The following HMCN2 variants were observed in gnomAD, a reference collection of about 807,000 sequenced individuals.
HMCN2 encodes hemicentin-2.
HMCN2 carries 325 observed loss-of-function variants against 377.5 expected under a neutral mutation model. That is an observed-to-expected ratio of 0.86 (90% CI 0.79 to 0.94). HMCN2 has a LOEUF of 0.94. HMCN2 is among the 40% of genes least tolerant of loss of function. HMCN2 has a pLI of 0.00. For synonymous variants in HMCN2, 2,007 were observed against 2,046.8 expected (o/e 0.98, Z 0.53); for missense variants, 4,543 against 4,725.3 (o/e 0.96, Z 1.13).
chr9:130,267,559 C>A (rs1463822261), intron 1 of HMCN2, among the ~76,000 whole-genome samples: 1 of 152,114 alleles, frequency 6.6e-6, no homozygotes, highest in Non-Finnish European at 1.5e-5. Context: ...TATGAGCCAG[C>A]AAGTCCTTGC....
Position 130,360,742 on chromosome 9 carries a change from A to C in HMCN2, c.5950+138A>C. ...CCATCCGTTACCCCATCCATCCATC[A>C]TCCATCCAACCATCCATCCATCCAT... On this transcript the variant is annotated intron_variant, in intron 38 of 97. Coordinates refer to ENST00000683500, the MANE Select transcript of HMCN2 (RefSeq NM_001291815.2). The surrounding 1 kb of genome is among the most constrained non-coding windows in gnomAD (Gnocchi z 4.7). 5.5e-6 allele frequency: 2 copies of C among 361,174 alleles called. No homozygotes were observed. Among genetic ancestry groups the C allele is most frequent in the South Asian group, 2.4e-5 (1 of 41,208 alleles). The allele number at this position is 361,174 out of a possible 1,614,324, so 22.4% of individuals were successfully genotyped here.
At chr9:130,301,799 A>G (rs1345466084) in intron 8 of HMCN2, among the ~76,000 whole-genome samples, 1 of 152,192 alleles carries the variant, frequency 6.6e-6, no homozygotes, top group Non-Finnish European at 1.5e-5. Context: ...CGGTGACACA[A>G]AGGTTGAGCC....
Position 130,430,276 on chromosome 9 carries a change from G to A in HMCN2, c.14327-8G>A, listed in dbSNP as rs1036826961. 3.1e-5 allele frequency: 48 copies of A among 1,531,886 alleles called. No individual in the cohort carries two copies. The East Asian group carries it at 4.4e-4, about 14-fold the overall frequency. 94.9% of individuals were successfully genotyped at this position (1,531,886 alleles called of 1,614,324 possible). A position where few individuals can be genotyped will look rare whatever the true frequency, so the allele number is the denominator to read the frequency against. On this transcript the variant is annotated splice_polypyrimidine_tract_variant and splice_region_variant and intron_variant, in intron 94 of 97. Transcript: ENST00000683500. The stretch of plus-strand genomic sequence containing the variant: ...CCTGTGCACACACCTGACCCCACCC[G>A]TCTGCAGATGTCAATGAGTGCCTGC...
At chr9:130,299,637 A>G (rs1004797288) in intron 8 of HMCN2, among the ~76,000 whole-genome samples, 1 of 149,068 alleles carries the variant, frequency 6.7e-6, no homozygotes, top group East Asian at 2.0e-4. Flanking sequence ...TCACCCATCC[A>G]TCTACCCACT....
intron 95 of HMCN2, 40 bp downstream of exon 95, chr9:130,430,644 A>C: frequency 1.3e-6 from 2 of 1,506,490 alleles, no homozygotes; most frequent in Non-Finnish European, 1.8e-6. Flanking sequence ...CACTGCCGTT[A>C]TGGGCTCTTG....
rs138934974 is a variant in HMCN2, at chr9:130,428,553, G to A, written c.14197+64G>A. 13 of 1,521,872 alleles carry A rather than the reference G, an allele frequency of 8.5e-6. No homozygotes were observed. The East Asian group carries it at 2.7e-4, about 32-fold the overall frequency. The allele number at this position is 1,521,872 out of a possible 1,614,324, so 94.3% of individuals were successfully genotyped here. A position where few individuals can be genotyped will look rare whatever the true frequency, so the allele number is the denominator to read the frequency against. ...GAAACCCAGAGGTTGCCAGGGATCA[G>A]CTGACAGGGGGCTGTGTGTCACTGG... is the stretch of plus-strand genomic sequence containing the variant. On this transcript the variant is annotated intron_variant, in intron 93 of 97. Transcript: ENST00000683500. This position sits in a 1 kb window ranked among gnomAD's most constrained non-coding sequence, Gnocchi z 5.0.
intron 15 of HMCN2, among the ~76,000 whole-genome samples, chr9:130,319,138 A>G (rs1281148215): frequency 6.6e-6 from 1 of 152,126 alleles, no homozygotes; most frequent in Non-Finnish European, 1.5e-5. Flanking sequence ...CTCAGCTCCT[A>G]TGTCAGCGGG....
At chr9:130,323,120 CT>C (rs1365558049) in intron 19 of HMCN2, among the ~76,000 whole-genome samples, 11 of 152,160 alleles carry the variant, frequency 7.2e-5, no homozygotes, top group Non-Finnish European at 1.3e-4. Context: ...GTTTCACCCC[CT>C]AACTTCCCAC....
intron 86 of HMCN2, among the ~76,000 whole-genome samples, chr9:130,420,974 A>G (rs1434483279): frequency 6.6e-6 from 1 of 152,148 alleles, no homozygotes; most frequent in Non-Finnish European, 1.5e-5. Flanking sequence ...GATACTATAG[A>G]AATCTGTGAA....
intron 19 of HMCN2, among the ~76,000 whole-genome samples, chr9:130,322,584 T>C (rs1449446352): frequency 3.3e-5 from 5 of 152,042 alleles, no homozygotes; most frequent in Non-Finnish European, 5.9e-5. Context: ...TTATCTGTAC[T>C]CCCCCCGCCC....
intron 7 of HMCN2, 146 bp from the exon 8 acceptor site, chr9:130,298,879 C>G: frequency 2.8e-6 from 1 of 357,500 alleles, no homozygotes; most frequent in Admixed American, 3.7e-5. Flanking sequence ...CGTTGGTCAG[C>G]ACCAGGGTAG....
At chr9:130,399,091 G>A (rs1216783964) in intron 75 of HMCN2, among the ~76,000 whole-genome samples, 1 of 151,730 alleles carries the variant, frequency 6.6e-6, no homozygotes, top group Non-Finnish European at 1.5e-5. Flanking sequence ...CATCTCTACA[G>A]AAAATTTAAA....
chr9:130,377,206 T>C (rs1227895541), intron 52 of HMCN2, among the ~76,000 whole-genome samples: 3 of 151,844 alleles, frequency 2.0e-5, no homozygotes, highest in South Asian at 2.1e-4. Context: ...CTCTGCCTCC[T>C]GGGTTCAAGT....
In HMCN2 at chr9:130,276,116, G is replaced by A. The variant is rs184671198; in HGVS notation, c.260-8487G>A. 5.9e-3 allele frequency among the ~76,000 whole-genome samples: 888 copies of A among 151,598 alleles called. 4 individuals carry two copies. Among genetic ancestry groups the A allele is most frequent in the Non-Finnish European group, 9.3e-3 (633 of 67,766 alleles). ...AGGGCAGGAGGTCCCTGGAGGGGCA[G>A]GGGTGGGTGGGTGGGTGTGTCAGGT... On this transcript the variant is annotated intron_variant, in intron 1 of 97. Coordinates refer to ENST00000683500, the MANE Select transcript of HMCN2 (RefSeq NM_001291815.2).
intron 51 of HMCN2, 60 bp from the exon 52 acceptor site, chr9:130,376,456 A>G: frequency 3.7e-6 from 3 of 815,602 alleles, no homozygotes; most frequent in Non-Finnish European, 4.4e-6. Context: ...GGACCAGGGT[A>G]AGCTCAGGGT....
Position 130,395,245 on chromosome 9 carries a change from C to T in HMCN2, c.10809C>T (p.Arg3603=). 2 of 1,289,460 alleles carry T rather than the reference C, an allele frequency of 1.6e-6. No homozygotes were observed. Among genetic ancestry groups the T allele is most frequent in the Non-Finnish European group, 2.0e-6 (2 of 988,714 alleles). 79.9% of individuals were successfully genotyped at this position (1,289,460 alleles called of 1,614,324 possible). A position where few individuals can be genotyped will look rare whatever the true frequency, so the allele number is the denominator to read the frequency against. The part of the protein sequence containing the change: ...PPNIVGPRGP[R]FVVGLAPGQL... ...ACATTGTTGGGCCCCGAGGCCCCCG[C>T]TTTGTGGTCGGCCTGGCCCCAGGGC... The change falls in exon 71 of 98, where the codon CGC becomes CGT. Residue 3603 remains arginine (R), a synonymous_variant. Coordinates refer to ENST00000683500, the MANE Select transcript of HMCN2 (RefSeq NM_001291815.2).
rs1836031327 is a variant in HMCN2, at chr9:130,294,896, G to C, written c.654G>C (p.Val218=). The stretch of plus-strand genomic sequence containing the variant: ...AGTCAGCGATCCAGGCCTCCAAGGT[G>C]CACCTGCTGTCCACAGACCACGAGG... ...WVESAIQASK[V]HLLSTDHEEE... is the part of the protein sequence containing the mutation. The change falls in exon 5 of 98, where the codon GTG becomes GTC. Residue 218 remains valine, a synonymous_variant. Transcript: ENST00000683500. The C allele has an allele frequency of 4.3e-6, 2 of 468,892 alleles. No individual in the cohort carries two copies. Among genetic ancestry groups the C allele is most frequent in the Non-Finnish European group, 8.8e-6 (2 of 226,036 alleles). 29.0% of individuals were successfully genotyped at this position (468,892 alleles called of 1,614,324 possible). A position where few individuals can be genotyped will look rare whatever the true frequency, so the allele number is the denominator to read the frequency against.
intron 13 of HMCN2, among the ~76,000 whole-genome samples, chr9:130,307,227 C>T (rs1049628542): frequency 6.6e-6 from 1 of 152,018 alleles, no homozygotes; most frequent in African/African-American, 2.4e-5. Flanking sequence ...GCCCAGGACT[C>T]GGTCATGACC....
intron 1 of HMCN2, 101 bp from the exon 2 acceptor site, chr9:130,284,502 C>A: frequency 2.2e-6 from 1 of 445,386 alleles, no homozygotes; most frequent in South Asian, 1.6e-5. Flanking sequence ...CCAGCCTCAG[C>A]TCCTCTGAAC....
Sources: gnomAD v4.1 joint callset for allele counts (sites outside exome capture counted in the v4.1 genomes callset) on GRCh38, gnomAD v4.1.1 for gene constraint, Gnocchi (gnomAD v3.1) non-coding constraint, MANE v1.5 for transcripts, NCBI Gene and HGNC (gene_info 2026-07-23, HGNC 2026-07-21) for gene names.